METTL17: variants seen among roughly 807,000 people sequenced by gnomAD.
METTL17 encodes methyltransferase like 17.
In METTL17, 49 loss-of-function variants were observed where a neutral mutation model predicts 59.4. The observed-to-expected ratio is 0.82, with a 90% confidence interval of 0.66 to 1.05. The LOEUF is 1.05. Ranked by LOEUF, METTL17 falls within the 50% of genes least tolerant of loss-of-function variation. The pLI, the probability that METTL17 is intolerant of heterozygous loss-of-function variation, is 0.00. For missense variants in METTL17, 555 were observed against 578.4 expected, an observed-to-expected ratio of 0.96 and a Z score of 0.41; for synonymous variants, 208 against 209.2, an observed-to-expected ratio of 0.99 and a Z score of 0.05.
chr14:20,994,987 C>A, intron 9 of METTL17, 86 bp downstream of exon 9: 1 of 1,227,480 alleles, frequency 8.1e-7, no homozygotes. Flanking sequence ...CTTTATTCTT[C>A]ACCATTTTTC....
intron 5 of METTL17, chr14:20,992,842 TC>T: frequency 1.7e-6 from 1 of 605,746 alleles, no homozygotes; most frequent in Admixed American, 2.9e-5. Context: ...TGAGCTGTGA[TC>T]TCCACTGTAC....
At position 20,996,928 on chromosome 14, in the gene METTL17, G is replaced by T; in HGVS notation, c.*38G>T. 3 of 1,573,886 alleles carry T rather than the reference G, an allele frequency of 1.9e-6. No individual in the cohort carries two copies. Among genetic ancestry groups the T allele is most frequent in the Non-Finnish European group, 2.6e-6 (3 of 1,158,856 alleles). On this transcript the variant is annotated 3_prime_UTR_variant, in exon 14 of 14. Transcript: ENST00000339374. ...ACAAGTATTTTCTTCTATCGTGCCT[G>T]CCAGGGCTGAAGCTGCCTGGTATCC...
In METTL17 at chr14:20,996,619, T is replaced by C; in HGVS notation, c.1173T>C (p.Pro391=). The change falls in exon 13 of 14, where the codon CCT becomes CCC. Residue 391 remains proline, a synonymous_variant. Coordinates refer to ENST00000339374, the MANE Select transcript of METTL17 (RefSeq NM_022734.3). ...EAHRWPRITQ[P]VLKRPRHVHC... ...ATCGCTGGCCCCGTATCACTCAGCC[T>C]GTCCTTAAACGGCCTCGCCATGTGC... is the stretch of plus-strand genomic sequence containing the variant. 1 of 1,614,264 alleles carries C rather than the reference T, an allele frequency of 6.2e-7. No individual in the cohort carries two copies. Among genetic ancestry groups the C allele is most frequent in the Non-Finnish European group, 8.5e-7 (1 of 1,180,052 alleles).
At chr14:20,990,188 T>G (rs1330912912) in intron 1 of METTL17, 42 bp from the exon 2 acceptor site, 1 of 1,613,220 alleles carries the variant, frequency 6.2e-7, no homozygotes, top group Non-Finnish European at 8.5e-7. Flanking sequence ...CCAGCAACTT[T>G]CCTTTCTGCC....
intron 5 of METTL17, 199 bp downstream of exon 5, chr14:20,992,821 T>G (rs1230700550): frequency 3.3e-6 from 2 of 610,442 alleles, no homozygotes; most frequent in Non-Finnish European, 2.9e-6. Context: ...TGAGCCAGTT[T>G]GAGGCTGCAG....
In METTL17 at chr14:20,995,202, T is replaced by G. The variant is rs1880293801; in HGVS notation, c.914T>G (p.Leu305Arg). 1.9e-6 allele frequency: 3 copies of G among 1,614,232 alleles called. No individual in the cohort carries two copies. Among genetic ancestry groups the G allele is most frequent in the Non-Finnish European group, 2.5e-6 (3 of 1,180,030 alleles). ...VENGTKAGHS[L>R]LMDARDLVLK... ...AATGGAACAAAAGCTGGGCACAGCC[T>G]TCTCATGGATGCCAGGGATCTGGTC... The change falls in exon 10 of 14, where the codon CTT becomes CGT. Residue 305 changes from leucine (L) to arginine (R), a missense_variant. Coordinates refer to ENST00000339374, the MANE Select transcript of METTL17 (RefSeq NM_022734.3).
In METTL17 at chr14:20,996,610, C is replaced by G; in HGVS notation, c.1164C>G (p.Ile388Met). Reference protein sequence around the residue: ...SPEEAHRWPRITQPVLKRPRH... With the variant: ...SPEEAHRWPRMTQPVLKRPRH... ...AGGAGGCTCATCGCTGGCCCCGTAT[C>G]ACTCAGCCTGTCCTTAAACGGCCTC... The change falls in exon 13 of 14, where the codon ATC becomes ATG. Residue 388 changes from isoleucine to methionine, a missense_variant. Ile to Met is a conservative substitution (Grantham distance 10, BLOSUM62 1). Coordinates refer to ENST00000339374, the MANE Select transcript of METTL17 (RefSeq NM_022734.3). 1.2e-6 allele frequency: 2 copies of G among 1,614,228 alleles called. No individual in the cohort carries two copies. The highest frequency in any genetic ancestry group is 2.2e-5 in the South Asian group (2 of 91,082).
chr14:20,990,806 T>A, intron 3 of METTL17: 3 of 592,014 alleles, frequency 5.1e-6, no homozygotes, highest in Admixed American at 3.7e-5. Context: ...CCCAGTATAC[T>A]GTTTTTTGTT....
intron 12 of METTL17, 64 bp downstream of exon 12, chr14:20,996,356 C>CA: frequency 1.3e-6 from 2 of 1,562,144 alleles, no homozygotes; most frequent in Non-Finnish European, 1.8e-6. Context: ...GAAAAAGAAT[C>CA]AGAGTTAGGA....
Position 20,992,109 on chromosome 14 carries a change from T to C in METTL17, c.365-15T>C. On this transcript the variant is annotated splice_polypyrimidine_tract_variant and intron_variant, in intron 3 of 13. Coordinates refer to ENST00000339374, the MANE Select transcript of METTL17 (RefSeq NM_022734.3). ...CTCCCTAGGTCCTGACTTCCAGTCC[T>C]TGTTCTCACCACAGACTTATCTCAG... 6.2e-7 allele frequency: 1 copy of C among 1,612,586 alleles called. No homozygotes were observed. Among genetic ancestry groups the C allele is most frequent in the Non-Finnish European group, 8.5e-7 (1 of 1,179,278 alleles).
At chr14:20,992,054 T>A in intron 3 of METTL17, 70 bp from the exon 4 acceptor site, 1 of 1,378,742 alleles carries the variant, frequency 7.3e-7, no homozygotes, top group South Asian at 1.2e-5. Context: ...GGGTGGGCAG[T>A]ATATTCAGAT....
Position 20,990,279 on chromosome 14 carries a change from GT to G in METTL17, c.128del (p.Phe43SerfsTer14). The stretch of plus-strand genomic sequence containing the variant: ...GTGACCCAGGTAGATAACAAGTCCG[GT>G]TTCCTGCAGAAGAGGCCTCATCGCC... ...PGVTQVDNKS[G>X]FLQKRPHRQH... On this transcript the variant is annotated frameshift_variant, in exon 2 of 14. Coordinates refer to ENST00000339374, the MANE Select transcript of METTL17 (RefSeq NM_022734.3). LOFTEE classifies it high-confidence loss of function. The G allele has an allele frequency of 6.2e-7, 1 of 1,614,244 alleles. No individual in the cohort carries two copies. Among genetic ancestry groups the G allele is most frequent in the South Asian group, 1.1e-5 (1 of 91,090 alleles).
intron 11 of METTL17, 62 bp from the exon 12 acceptor site, chr14:20,996,145 TCA>T (rs1880357414): frequency 6.0e-6 from 9 of 1,492,304 alleles, no homozygotes; most frequent in Non-Finnish European, 8.4e-6. Flanking sequence ...TCTATTATTC[TCA>T]GTTTTTAAGT....
chr14:20,992,885 C>G lies in METTL17; in HGVS notation c.529-233C>G, dbSNP rs967843219. 8.5e-6 allele frequency: 5 copies of G among 587,138 alleles called. No individual in the cohort carries two copies. In the African/African-American group the frequency reaches 9.6e-5, roughly 11 times the overall value. 36.4% of individuals were successfully genotyped at this position (587,138 alleles called of 1,614,324 possible). A position where few individuals can be genotyped will look rare whatever the true frequency, so the allele number is the denominator to read the frequency against. ...CTGGTGACAGAGTGAGACCTCATCT[C>G]TTAAAAAAAACACAAAATAAAGACG... On this transcript the variant is annotated intron_variant, in intron 5 of 13. Transcript: ENST00000339374.
intron 7 of METTL17, 21 bp downstream of exon 7, chr14:20,994,084 A>G (rs759124210): frequency 1.3e-6 from 2 of 1,582,602 alleles, no homozygotes; most frequent in Non-Finnish European, 1.7e-6. Context: ...GAGCACTTCC[A>G]AAGTTGAGGG....
At position 20,990,416 on chromosome 14, in the gene METTL17, GAC is replaced by G. The variant is rs779895863; in HGVS notation, c.229+34_229+35del. 5 of 1,613,800 alleles carry G rather than the reference GAC, an allele frequency of 3.1e-6. No individual in the cohort carries two copies. The South Asian group carries it at 5.5e-5, about 18-fold the overall frequency. On this transcript the variant is annotated intron_variant, in intron 2 of 13. Transcript: ENST00000339374. ...ACGGCGGGAAAGCGAGAAGAAACGGGACTGGACCTACATGCAAGTGATTCCGC... is the reference window on the plus strand; with the variant it reads ...ACGGCGGGAAAGCGAGAAGAAACGGGTGGACCTACATGCAAGTGATTCCGC...
At chr14:20,992,970 G>A (rs147439961) in intron 5 of METTL17, 148 bp from the exon 6 acceptor site, 1 of 690,856 alleles carries the variant, frequency 1.4e-6, no homozygotes, top group Non-Finnish European at 2.6e-6. Context: ...CACTATTTTA[G>A]GAGATTCTTA....
intron 12 of METTL17, 116 bp downstream of exon 12, chr14:20,996,408 C>A: frequency 6.8e-7 from 1 of 1,467,194 alleles, no homozygotes. Context: ...ACTTTAGGGC[C>A]TACATGTATA....
chr14:20,995,283 G>A (rs757876923), intron 10 of METTL17, 50 bp downstream of exon 10: 1 of 1,487,704 alleles, frequency 6.7e-7, no homozygotes, highest in Admixed American at 1.7e-5. Flanking sequence ...ACCAATTACT[G>A]TTACTCTCTT....
Sources: gnomAD v4.1 joint callset for allele counts on GRCh38, gnomAD v4.1.1 for gene constraint, MANE v1.5 for transcripts, NCBI Gene and HGNC (gene_info 2026-07-23, HGNC 2026-07-21) for gene names.